Variants in PPHLN1 observed in about 807,000 individuals in gnomAD.
PPHLN1 encodes periphilin 1.
PPHLN1 carries 29 observed loss-of-function variants against 51.3 expected under a neutral mutation model. The observed-to-expected ratio is 0.57, with a 90% CI of 0.42 to 0.77. The LOEUF is 0.77. PPHLN1 is among the 30% of genes least tolerant of loss of function. PPHLN1 has a pLI of 0.00. For synonymous variants in PPHLN1, 147 were observed against 147.8 expected, an observed-to-expected ratio of 0.99 and a Z score of 0.04; for missense variants, 436 against 438.4, an observed-to-expected ratio of 0.99 and a Z score of 0.05.
chr12:42,358,366 T>C (rs899809981), intron 4 of PPHLN1, among the ~76,000 whole-genome samples: 1 of 152,034 alleles, frequency 6.6e-6, no homozygotes, highest in African/African-American at 2.4e-5. Flanking sequence ...TTCATAAACA[T>C]TTAGGGTTTT....
intron 9 of PPHLN1, among the ~76,000 whole-genome samples, chr12:42,400,645 A>T (rs1035031724): frequency 6.6e-6 from 1 of 151,946 alleles, no homozygotes; most frequent in Non-Finnish European, 1.5e-5. Flanking sequence ...AAAGTGCTGG[A>T]ATTATAGGTG....
chr12:42,407,537 C>G (rs1371455595), intron 9 of PPHLN1, among the ~76,000 whole-genome samples: 1 of 152,184 alleles, frequency 6.6e-6, no homozygotes, highest in African/African-American at 2.4e-5. Flanking sequence ...AGAAGTGAGT[C>G]ACTAAGCCCA....
chr12:42,350,307 C>T (rs893746402), intron 2 of PPHLN1: 30 of 161,408 alleles, frequency 1.9e-4, no homozygotes, highest in African/African-American at 6.1e-4. Flanking sequence ...CGGGCAGAGA[C>T]GCTCCTCACT....
chr12:42,448,497 C>A (rs2083389692), downstream of PPHLN1: 1 of 151,850 alleles, frequency 6.6e-6, no homozygotes, highest in African/African-American at 2.4e-5. Flanking sequence ...TGCATATGCC[C>A]AGTTGATGTG....
intron 9 of PPHLN1, among the ~76,000 whole-genome samples, chr12:42,424,164 C>T (rs1257306110): frequency 6.6e-6 from 1 of 152,204 alleles, no homozygotes; most frequent in Admixed American, 6.5e-5. Flanking sequence ...CAGGCCTGCA[C>T]TGCTCCCAGA....
At chr12:42,434,886 C>T (rs1425938925) in intron 9 of PPHLN1, among the ~76,000 whole-genome samples, 1 of 152,140 alleles carries the variant, frequency 6.6e-6, no homozygotes, top group South Asian at 2.1e-4. Context: ...TAGAGACAGG[C>T]ATTCACCATG....
downstream of PPHLN1, chr12:42,444,182 C>T (rs1012396273): frequency 2.6e-5 from 4 of 151,962 alleles, no homozygotes; most frequent in African/African-American, 9.7e-5. Flanking sequence ...AATATCTTTA[C>T]ATACTAACTT....
At chr12:42,383,983 CAAAAAA>C (rs61016692) in intron 5 of PPHLN1, among the ~76,000 whole-genome samples, 25 of 51,640 alleles carry the variant, frequency 4.8e-4, no homozygotes, top group African/African-American at 5.8e-4. Flanking sequence ...GACTGTGTCT[CAAAAAA>C]AAAAAAAAAA....
downstream of PPHLN1, chr12:42,446,111 A>AAACGGGT: frequency 6.4e-7 from 1 of 1,557,218 alleles, no homozygotes. Context: ...GCCCCGGAAG[A>AAACGGGT]AACGGGTTCG....
intron 6 of PPHLN1, 91 bp downstream of exon 6, chr12:42,385,087 T>C (rs998975953): frequency 8.4e-6 from 11 of 1,310,460 alleles, no homozygotes; most frequent in South Asian, 1.2e-5. Context: ...AGTGTATAAC[T>C]GCTCCATTAG....
chr12:42,408,606 A>C (rs1331570251), intron 9 of PPHLN1, among the ~76,000 whole-genome samples: 1 of 152,196 alleles, frequency 6.6e-6, no homozygotes, highest in East Asian at 1.9e-4. Context: ...CTGCTTAATA[A>C]TATGTGTCTT....
Position 42,393,521 on chromosome 12 carries a change from A to C in PPHLN1, c.649-49A>C, listed in dbSNP as rs761606696. The C allele has an allele frequency of 4.7e-6, 7 of 1,500,648 alleles. No individual in the cohort carries two copies. In the South Asian group the frequency reaches 9.5e-5, roughly 20 times the overall value. 93.0% of individuals were successfully genotyped at this position (1,500,648 alleles called of 1,614,324 possible). ...GGAGTGTACTTCTTGGTGTATTTGA[A>C]GTTTAAAAGCCCTTGAGAATTGTAA... is the stretch of plus-strand genomic sequence containing the variant. On this transcript the variant is annotated intron_variant, in intron 7 of 9. Transcript: ENST00000358314.
chr12:42,332,739 T>C, intron 1 of PPHLN1: 1 of 1,265,964 alleles, frequency 7.9e-7, no homozygotes, highest in Non-Finnish European at 1.1e-6. Flanking sequence ...ATAGTAGTTA[T>C]TGTTACATTT....
At chr12:42,392,287 C>T (rs2077795788) in intron 7 of PPHLN1, among the ~76,000 whole-genome samples, 1 of 152,128 alleles carries the variant, frequency 6.6e-6, no homozygotes, top group Non-Finnish European at 1.5e-5. Flanking sequence ...GAGCAGGTCA[C>T]CATCATTCAG....
At chr12:42,431,778 C>G (rs1801273807) in intron 9 of PPHLN1, 2 of 1,054,812 alleles carry the variant, frequency 1.9e-6, no homozygotes, top group Non-Finnish European at 3.0e-6. Flanking sequence ...GCCAGAAGCA[C>G]TAGTCGGGCT....
intron 7 of PPHLN1, among the ~76,000 whole-genome samples, chr12:42,388,799 A>G (rs973916732): frequency 5.9e-5 from 9 of 152,218 alleles, no homozygotes; most frequent in African/African-American, 2.2e-4. Flanking sequence ...AAAATTAGCC[A>G]GATGTGGTGG....
chr12:42,410,306 G>C (rs2079693243), intron 9 of PPHLN1, among the ~76,000 whole-genome samples: 1 of 152,070 alleles, frequency 6.6e-6, no homozygotes, highest in African/African-American at 2.4e-5. Flanking sequence ...AGGGTAGTTT[G>C]AAGCATGTCT....
intron 9 of PPHLN1, among the ~76,000 whole-genome samples, chr12:42,429,665 G>A (rs918719600): frequency 3.3e-5 from 5 of 152,202 alleles, no homozygotes; most frequent in South Asian, 4.1e-4. Context: ...AACAGAGCTT[G>A]TTGTACTCTG....
chr12:42,336,621 G>A (rs1222659868), intron 2 of PPHLN1, among the ~76,000 whole-genome samples: 1 of 152,154 alleles, frequency 6.6e-6, no homozygotes, highest in Non-Finnish European at 1.5e-5. Flanking sequence ...TTACTGTTTT[G>A]TTTACTATTT....
Sources: gnomAD v4.1 joint callset for allele counts (sites outside exome capture counted in the v4.1 genomes callset) on GRCh38, gnomAD v4.1.1 for gene constraint, MANE v1.5 for transcripts, NCBI Gene and HGNC (gene_info 2026-07-23, HGNC 2026-07-21) for gene names.